PCDH15: variants seen among roughly 807,000 people sequenced by gnomAD.
PCDH15 encodes the protein protocadherin-15.
In PCDH15, 129 loss-of-function variants were observed where a neutral mutation model predicts 178.5. The observed-to-expected ratio is 0.72, with a 90% CI of 0.63 to 0.84. The LOEUF (loss-of-function observed/expected upper bound fraction) is 0.84. Ranked by LOEUF, PCDH15 falls within the 40% of genes least tolerant of loss-of-function variation. The pLI, the probability that PCDH15 is intolerant of heterozygous loss-of-function variation, is 0.00. For synonymous variants in PCDH15, 800 were observed against 732.0 expected, an observed-to-expected ratio of 1.09 and a Z score of -1.50; for missense variants, 2,230 against 2,099.9, an observed-to-expected ratio of 1.06 and a Z score of -1.21.
intron 2 of PCDH15, among the ~76,000 whole-genome samples, chr10:54,542,160 T>A (rs2085311057): frequency 6.6e-6 from 1 of 152,334 alleles, no homozygotes; most frequent in South Asian, 2.1e-4. Context: ...GAAGCAATTT[T>A]CCTACTTAAG....
Position 53,866,705 on chromosome 10 carries a change from G to A in PCDH15, c.3654C>T (p.Phe1218=), listed in dbSNP as rs1439589955. ...CGTCAGTTGCAATAACTTGAAACTT[G>A]AAGTAGGATCTCCTCATATTATGGA... is the stretch of plus-strand genomic sequence containing the variant. The part of the protein sequence containing the change: ...MLFHNMRRSY[F]KFQVIATDDY... Residue 1218 remains phenylalanine, a synonymous_variant, in exon 27 of 38, where the codon TTC becomes TTT. Transcript: ENST00000644397. 6.2e-7 allele frequency: 1 copy of A among 1,613,468 alleles called. No homozygotes were observed. The highest frequency in any genetic ancestry group is 1.3e-5 in the African/African-American group (1 of 74,884).
chr10:54,327,154 C>T (rs1176787340), intron 7 of PCDH15, among the ~76,000 whole-genome samples: 2 of 149,344 alleles, frequency 1.3e-5, no homozygotes, highest in African/African-American at 5.0e-5. Context: ...TTTTACCTTG[C>T]ATTTCTATTA....
chr10:54,208,715 G>A (rs778894502), intron 10 of PCDH15, among the ~76,000 whole-genome samples: 5 of 151,948 alleles, frequency 3.3e-5, no homozygotes, highest in East Asian at 1.9e-4. Flanking sequence ...TGACTAGTAC[G>A]TGTCTGTGTG....
In PCDH15 at chr10:54,604,052, T is replaced by C. The variant is rs1421953908; in HGVS notation, c.91+60120A>G. Among the ~76,000 whole-genome samples, 4 of 142,952 alleles carry C rather than the reference T, an allele frequency of 2.8e-5. 1 individual carries two copies. The East Asian group carries it at 8.4e-4, about 30-fold the overall frequency. The allele number at this position is 142,952 out of a possible 152,430, so 93.8% of individuals were successfully genotyped here. Reference sequence around the variant, plus strand: ...GACCCAATGATTGTTCAAGAGTGTATTGTTTAGCTTCCATGTATTTGTGAA... The same window carrying C: ...GACCCAATGATTGTTCAAGAGTGTACTGTTTAGCTTCCATGTATTTGTGAA... On this transcript the variant is annotated intron_variant, in intron 2 of 37. Coordinates refer to ENST00000644397, the MANE Select transcript of PCDH15 (RefSeq NM_001384140.1).
intron 2 of PCDH15, among the ~76,000 whole-genome samples, chr10:55,125,495 C>T (rs1837876053): frequency 6.6e-6 from 1 of 151,960 alleles, no homozygotes; most frequent in Admixed American, 6.6e-5. Flanking sequence ...TAAGGGATCC[C>T]ATTGGTATAA....
At chr10:54,180,973 C>A (rs1488363639) in intron 13 of PCDH15, among the ~76,000 whole-genome samples, 1 of 152,020 alleles carries the variant, frequency 6.6e-6, no homozygotes, top group African/African-American at 2.4e-5. Context: ...AGGAAATAAG[C>A]CTTTGATCCC....
intron 2 of PCDH15, among the ~76,000 whole-genome samples, chr10:54,961,949 C>A (rs1348508538): frequency 6.6e-6 from 1 of 152,220 alleles, no homozygotes; most frequent in Non-Finnish European, 1.5e-5. Context: ...CCTCTACACT[C>A]ATTGGGATGA....
At chr10:55,229,811 G>A (rs1243854217) in intron 1 of PCDH15, among the ~76,000 whole-genome samples, 1 of 151,992 alleles carries the variant, frequency 6.6e-6, no homozygotes, top group African/African-American at 2.4e-5. Flanking sequence ...ATTGATAAAA[G>A]CGGGGGTTCT....
chr10:54,438,624 T>C (rs1589414481), intron 3 of PCDH15, among the ~76,000 whole-genome samples: 3 of 152,070 alleles, frequency 2.0e-5, no homozygotes, highest in East Asian at 3.9e-4. Flanking sequence ...AGGTAACAAC[T>C]TGCCATGTTT....
At chr10:55,038,017 C>T (rs1379165737) in intron 2 of PCDH15, among the ~76,000 whole-genome samples, 1 of 152,080 alleles carries the variant, frequency 6.6e-6, no homozygotes, top group Non-Finnish European at 1.5e-5. Flanking sequence ...GGCTACACAA[C>T]AACACAGAAA....
chr10:54,099,120 C>T (rs569368245), intron 15 of PCDH15, among the ~76,000 whole-genome samples: 22 of 152,088 alleles, frequency 1.4e-4, no homozygotes, highest in South Asian at 8.3e-4. Flanking sequence ...TAAAGTTATC[C>T]GGACACAGGC....
chr10:54,247,206 A>ACC (rs1212114252), intron 8 of PCDH15, among the ~76,000 whole-genome samples: 359 of 152,056 alleles, frequency 2.4e-3, no homozygotes, highest in African/African-American at 8.4e-3. Flanking sequence ...ACATATCCTG[A>ACC]ATGTATGAAG....
intron 2 of PCDH15, among the ~76,000 whole-genome samples, chr10:55,481,134 A>C (rs1840171563): frequency 6.6e-6 from 1 of 151,828 alleles, no homozygotes; most frequent in South Asian, 2.1e-4. Flanking sequence ...AGAAGTGTTC[A>C]TAATATTCTC....
intron 15 of PCDH15, among the ~76,000 whole-genome samples, chr10:54,093,727 C>T (rs1176458007): frequency 6.6e-6 from 1 of 152,068 alleles, no homozygotes; most frequent in African/African-American, 2.4e-5. Flanking sequence ...AGTAACTTTA[C>T]TGGTAAATAG....
At chr10:54,553,850 G>A (rs751760259) in intron 2 of PCDH15, among the ~76,000 whole-genome samples, 3 of 152,084 alleles carry the variant, frequency 2.0e-5, no homozygotes, top group Non-Finnish European at 4.4e-5. Flanking sequence ...AAAACACTAT[G>A]CAAAAGCAAC....
chr10:54,119,630 A>G (rs1168423482), intron 15 of PCDH15, among the ~76,000 whole-genome samples: 1 of 152,164 alleles, frequency 6.6e-6, no homozygotes, highest in Non-Finnish European at 1.5e-5. Flanking sequence ...GACATCCAGA[A>G]ACAAGAAATC....
At chr10:55,515,691 A>G (rs1840996407) in intron 2 of PCDH15, among the ~76,000 whole-genome samples, 1 of 152,132 alleles carries the variant, frequency 6.6e-6, no homozygotes, top group Non-Finnish European at 1.5e-5. Context: ...AAGAAAATAT[A>G]CTGTAACCAA....
At chr10:55,216,667 T>C (rs1591996098) in intron 1 of PCDH15, among the ~76,000 whole-genome samples, 1 of 152,044 alleles carries the variant, frequency 6.6e-6, no homozygotes, top group Non-Finnish European at 1.5e-5. Context: ...TTAATAATTA[T>C]AAAATTTATA....
intron 1 of PCDH15, among the ~76,000 whole-genome samples, chr10:55,272,346 T>C (rs1371733742): frequency 2.0e-5 from 3 of 151,024 alleles, no homozygotes; most frequent in African/African-American, 7.3e-5. Context: ...AATATTTTTA[T>C]TGTGCCTTAT....
Sources: gnomAD v4.1 joint callset for allele counts (sites outside exome capture counted in the v4.1 genomes callset) on GRCh38, gnomAD v4.1.1 for gene constraint, MANE v1.5 for transcripts, NCBI Gene and HGNC (gene_info 2026-07-23, HGNC 2026-07-21) for gene names.